Variants in NF1 observed in about 807,000 individuals in gnomAD.
NF1 encodes the protein neurofibromin 1, also known as neurofibromin.
Under a neutral mutation model 325.7 loss-of-function variants are expected in NF1, and 122 were observed. The ratio of observed to expected loss-of-function variants is 0.37; its 90% CI spans 0.32 to 0.44. The LOEUF (loss-of-function observed/expected upper bound fraction) is 0.44. Among genes scored for constraint, NF1 ranks in the 20% least tolerant of loss-of-function variants. The pLI is 1.00. For missense variants in NF1, 2,140 were observed against 3,415.4 expected (o/e 0.63, Z 9.31); for synonymous variants, 1,091 against 1,186.0 (o/e 0.92, Z 1.65).
intron 1 of NF1, among the ~76,000 whole-genome samples, chr17:31,124,876 T>G (rs1597588683): frequency 1.3e-5 from 2 of 151,890 alleles, no homozygotes; most frequent in South Asian, 2.1e-4. Flanking sequence ...GCTGGGATTA[T>G]ATGCGTGAGC....
Position 31,319,014 on chromosome 17 carries a change from G to A in NF1, c.4836-6806G>A, listed in dbSNP as rs1129506. The A allele has an allele frequency of 0.62, 984,265 of 1,589,844 alleles. 307,676 individuals carry two copies. The highest frequency in any genetic ancestry group is 0.72 in the African/African-American group (53,195 of 73,892). ...CTGTGTGTTCCATGTCCGTGGGCAT[G>A]CTTGGCAATCTGTTGGGATAGCAAT... On this transcript the variant is annotated intron_variant, in intron 36 of 57. Transcript: ENST00000358273.
At chr17:31,278,411 T>G in intron 36 of NF1, among the ~76,000 whole-genome samples, 1 of 141,190 alleles carries the variant, frequency 7.1e-6, no homozygotes, top group African/African-American at 2.9e-5. Context: ...TTTTGGGTTT[T>G]TTTTTTTTTT....
intron 36 of NF1, among the ~76,000 whole-genome samples, chr17:31,315,744 G>A (rs569668514): frequency 6.6e-6 from 1 of 152,238 alleles, no homozygotes; most frequent in African/African-American, 2.4e-5. Flanking sequence ...TAGTAGGTAC[G>A]GAATGTGTTA....
intron 29 of NF1, among the ~76,000 whole-genome samples, chr17:31,247,027 T>A (rs181618297): frequency 1.2e-3 from 181 of 152,056 alleles, no homozygotes; most frequent in African/African-American, 4.1e-3. Context: ...AAACCTTGTC[T>A]CTACTAAAAA....
At chr17:31,260,178 G>A (rs966760417) in intron 33 of NF1, among the ~76,000 whole-genome samples, 191 bp from the exon 34 acceptor site, 1 of 152,112 alleles carries the variant, frequency 6.6e-6, no homozygotes, top group African/African-American at 2.4e-5. Flanking sequence ...CTGAAGCCGG[G>A]TATCAGAAAT....
intron 50 of NF1, among the ~76,000 whole-genome samples, chr17:31,350,953 C>T (rs1006674252): frequency 2.4e-4 from 36 of 152,130 alleles, no homozygotes; most frequent in Non-Finnish European, 3.8e-4. Flanking sequence ...TCGCAAAACT[C>T]GTATCATTCC....
At chr17:31,303,339 C>T (rs1300473567) in intron 36 of NF1, among the ~76,000 whole-genome samples, 1 of 152,150 alleles carries the variant, frequency 6.6e-6, no homozygotes, top group African/African-American at 2.4e-5. Context: ...CCCATTCCTA[C>T]TCTAATAACT....
At chr17:31,248,734 G>A (rs554076034) in intron 29 of NF1, among the ~76,000 whole-genome samples, 7 of 152,088 alleles carry the variant, frequency 4.6e-5, no homozygotes, top group Non-Finnish European at 8.8e-5. Flanking sequence ...TGTTGGCCAG[G>A]CTGGTCTTGA....
Position 31,181,797 on chromosome 17 carries a change from A to AT in NF1, c.730+14dup, listed in dbSNP as rs1179903224. 6.6e-7 allele frequency: 1 copy of AT among 1,509,912 alleles called. No homozygotes were observed. The highest frequency in any genetic ancestry group is 1.2e-5 in the South Asian group (1 of 85,412). The allele number at this position is 1,509,912 out of a possible 1,614,324, so 93.5% of individuals were successfully genotyped here. On this transcript the variant is annotated intron_variant, in intron 7 of 57. Transcript: ENST00000358273. ...GACTGATATGGCTGGTAAGGATACGATTGATTTTTTTTTTTTTTTTGTCTT... is the reference window on the plus strand; with the variant it reads ...GACTGATATGGCTGGTAAGGATACGATTTGATTTTTTTTTTTTTTTTGTCTT...
intron 5 of NF1, among the ~76,000 whole-genome samples, chr17:31,170,250 A>G (rs1466192747): frequency 6.6e-6 from 1 of 152,218 alleles, no homozygotes; most frequent in Non-Finnish European, 1.5e-5. Context: ...TGTTTTCAAT[A>G]CAGAGAATGC....
intron 40 of NF1, among the ~76,000 whole-genome samples, chr17:31,335,279 T>TAA (rs1257891070): frequency 1.9e-5 from 1 of 53,524 alleles, no homozygotes; most frequent in Non-Finnish European, 5.3e-5. Flanking sequence ...CATAATTATA[T>TAA]ATATATATAT....
At chr17:31,322,235 T>C (rs2069221023) in intron 36 of NF1, among the ~76,000 whole-genome samples, 1 of 151,592 alleles carries the variant, frequency 6.6e-6, no homozygotes, top group Non-Finnish European at 1.5e-5. Context: ...TCCCAGCACG[T>C]TGGGAGGGTT....
At position 31,095,363 on chromosome 17, in the gene NF1, C is replaced by T. The variant is rs1598173882; in HGVS notation, c.54C>T (p.Asp18=). The change falls in exon 1 of 58, where the codon GAC becomes GAT. Residue 18 remains aspartate, a synonymous_variant. Transcript: ENST00000358273. The part of the protein sequence containing the change: ...EWVQAVVSRF[D]EQLPIKTGQQ... ...TCCAGGCCGTGGTCAGCCGCTTCGA[C>T]GAGCAGGTAACCGGCCCGTGGCGGG... is the stretch of plus-strand genomic sequence containing the variant. 1.3e-6 allele frequency: 2 copies of T among 1,539,792 alleles called. No homozygotes were observed. Among genetic ancestry groups the T allele is most frequent in the African/African-American group, 1.4e-5 (1 of 73,066 alleles).
In NF1 at chr17:31,181,392, G is replaced by A. The variant is rs760631219; in HGVS notation, c.587-30G>A. On this transcript the variant is annotated intron_variant, in intron 5 of 57. Transcript: ENST00000358273. ...TGTATTTGTGTTAACTTATTCTAGAGTTAATTTTTAAAAATTGTGTTTTTT... is the reference window on the plus strand; with the variant it reads ...TGTATTTGTGTTAACTTATTCTAGAATTAATTTTTAAAAATTGTGTTTTTT... 6.3e-6 allele frequency: 10 copies of A among 1,593,560 alleles called. No individual in the cohort carries two copies. In the African/African-American group the frequency reaches 1.2e-4, roughly 19 times the overall value.
intron 36 of NF1, among the ~76,000 whole-genome samples, chr17:31,285,639 G>A (rs113376659): frequency 0.019 from 2,909 of 152,278 alleles, 105 homozygotes; most frequent in African/African-American, 0.066. Context: ...CTTGAGCCCA[G>A]GAGCTCGAGA....
chr17:31,175,124 A>AG, intron 5 of NF1, among the ~76,000 whole-genome samples: 1 of 150,684 alleles, frequency 6.6e-6, no homozygotes, highest in South Asian at 2.1e-4. Flanking sequence ...AAAAAAAAAA[A>AG]AAAAAAAAGA....
At chr17:31,295,900 TG>T in intron 36 of NF1, 1 of 1,614,170 alleles carries the variant, frequency 6.2e-7, no homozygotes, top group Non-Finnish European at 8.5e-7. Context: ...GACTTCTTAG[TG>T]TATTTTTAAT....
intron 36 of NF1, among the ~76,000 whole-genome samples, chr17:31,268,323 A>C (rs1433328248): frequency 1.3e-5 from 2 of 152,214 alleles, no homozygotes; most frequent in Non-Finnish European, 2.9e-5. Context: ...CCCAGCAGTC[A>C]TGTGATTCAA....
rs141832531 is a variant in NF1 at position 31,368,485 on chromosome 17, AT to A, written c.8378-5527del. On this transcript the variant is annotated intron_variant, in intron 57 of 57. Coordinates refer to ENST00000358273, the MANE Select transcript of NF1 (RefSeq NM_001042492.3). ...TTTTTATATTTAGCTCAAAATAAAAATATTTCTAAGTATATATTTAATACGC... is the reference window on the plus strand; with the variant it reads ...TTTTTATATTTAGCTCAAAATAAAAAATTTCTAAGTATATATTTAATACGC... 9.8e-4 allele frequency among the ~76,000 whole-genome samples: 150 copies of A among 152,320 alleles called. 1 individual carries two copies. Among genetic ancestry groups the A allele is most frequent in the African/African-American group, 3.5e-3 (146 of 41,580 alleles).
Sources: gnomAD v4.1 joint callset for allele counts (sites outside exome capture counted in the v4.1 genomes callset) on GRCh38, gnomAD v4.1.1 for gene constraint, MANE v1.5 for transcripts, NCBI Gene and HGNC (gene_info 2026-07-23, HGNC 2026-07-21) for gene names.